The following CPLANE1 variants were observed in gnomAD, a reference collection of about 807,000 sequenced individuals.
The protein encoded by CPLANE1 is ciliogenesis and planar polarity effector 1.
A neutral mutation model predicts 362.5 loss-of-function variants in CPLANE1; 263 were observed. The ratio of observed to expected loss-of-function variants is 0.73; its 90% CI spans 0.66 to 0.80. CPLANE1 has a LOEUF of 0.80. Ranked by LOEUF, CPLANE1 falls within the 30% of genes least tolerant of loss-of-function variation. CPLANE1 has a pLI of 0.00. For missense variants in CPLANE1, 3,461 were observed against 3,793.4 expected, an observed-to-expected ratio of 0.91 and a Z score of 2.30; for synonymous variants, 1,212 against 1,302.6, an observed-to-expected ratio of 0.93 and a Z score of 1.50.
At chr5:37,195,177 T>G (rs1263340248) in intron 21 of CPLANE1, among the ~76,000 whole-genome samples, 1 of 148,586 alleles carries the variant, frequency 6.7e-6, no homozygotes, top group Non-Finnish European at 1.5e-5. Flanking sequence ...AAAGATAAGA[T>G]CAGGGCTTAA....
chr5:37,213,144 G>T (rs182194638), intron 16 of CPLANE1, among the ~76,000 whole-genome samples: 1 of 152,170 alleles, frequency 6.6e-6, no homozygotes, highest in Non-Finnish European at 1.5e-5. Context: ...GGAGGTGGAG[G>T]TTGCAGTTAG....
chr5:37,198,187 C>T (rs1415666549), intron 20 of CPLANE1, among the ~76,000 whole-genome samples: 2 of 152,206 alleles, frequency 1.3e-5, no homozygotes, highest in East Asian at 3.9e-4. Flanking sequence ...AAGAATGAAG[C>T]GACAGCTCAG....
intron 16 of CPLANE1, among the ~76,000 whole-genome samples, chr5:37,206,651 T>C (rs1790835701): frequency 6.6e-6 from 1 of 151,456 alleles, no homozygotes; most frequent in Non-Finnish European, 1.5e-5. Flanking sequence ...ATTTTAAAAA[T>C]GAAACAAAAG....
intron 21 of CPLANE1, among the ~76,000 whole-genome samples, chr5:37,192,483 C>T (rs538636675): frequency 3.3e-5 from 5 of 152,182 alleles, no homozygotes; most frequent in South Asian, 4.2e-4. Context: ...AGGACGTAGC[C>T]CCATCATTAA....
chr5:37,234,486 T>A, intron 8 of CPLANE1, among the ~76,000 whole-genome samples: 1 of 137,484 alleles, frequency 7.3e-6, no homozygotes. Flanking sequence ...AGAAAGAATC[T>A]CAGTCAGACA....
At chr5:37,177,891 ACT>A (rs1781625142) in intron 29 of CPLANE1, among the ~76,000 whole-genome samples, 191 bp from the exon 30 acceptor site, 1 of 152,128 alleles carries the variant, frequency 6.6e-6, no homozygotes, top group African/African-American at 2.4e-5. Flanking sequence ...AATTGCCTCC[ACT>A]CTGTCACACT....
In CPLANE1 at chr5:37,107,262, G is replaced by C. The variant is rs1757807125; in HGVS notation, c.*340C>G. ...GTATATGGTTGTTTCTCAAAACTCA[G>C]AGGGTAATAAAGGAGGAGGCAAGAT... On this transcript the variant is annotated 3_prime_UTR_variant, in exon 53 of 53. Coordinates refer to ENST00000651892, the MANE Select transcript of CPLANE1 (RefSeq NM_001384732.1). The C allele has an allele frequency of 9.7e-7, 1 of 1,030,406 alleles. No individual in the cohort carries two copies. Among genetic ancestry groups the C allele is most frequent in the Admixed American group, 5.6e-5 (1 of 17,834 alleles). The allele number at this position is 1,030,406 out of a possible 1,614,324, so 63.8% of individuals were successfully genotyped here. A position where few individuals can be genotyped will look rare whatever the true frequency, so the allele number is the denominator to read the frequency against.
chr5:37,230,043 G>C (rs1268657176), intron 9 of CPLANE1, among the ~76,000 whole-genome samples: 2 of 151,932 alleles, frequency 1.3e-5, no homozygotes, highest in African/African-American at 4.8e-5. Context: ...AGGCATGGTG[G>C]CACATGCCTA....
intron 46 of CPLANE1, among the ~76,000 whole-genome samples, chr5:37,127,515 ATTTTTTTT>A (rs556523898): frequency 7.5e-6 from 1 of 134,000 alleles, no homozygotes; most frequent in Non-Finnish European, 1.6e-5. Context: ...TTTTTATTTA[ATTTTTTTT>A]TTTTTTTTTT....
At chr5:37,109,731 G>A (rs1042607134) in intron 51 of CPLANE1, among the ~76,000 whole-genome samples, 2 of 152,060 alleles carry the variant, frequency 1.3e-5, no homozygotes, top group Non-Finnish European at 2.9e-5. Context: ...ATTTCGGTTC[G>A]CTGCAACCTC....
At chr5:37,212,286 G>A in intron 16 of CPLANE1, 1 of 1,159,364 alleles carries the variant, frequency 8.6e-7, no homozygotes, top group Non-Finnish European at 1.3e-6. Flanking sequence ...AAAAAAGATG[G>A]TCCAGGAAGG....
Position 37,167,205 on chromosome 5 carries a change from T to A in CPLANE1, c.7242A>T (p.Lys2414Asn). 4.4e-6 allele frequency: 7 copies of A among 1,607,774 alleles called. No homozygotes were observed. The highest frequency in any genetic ancestry group is 5.9e-6 in the Non-Finnish European group (7 of 1,178,604). The change falls in exon 35 of 53, where the codon AAA (lysine) becomes AAT (asparagine). Residue 2414 changes from lysine to asparagine, a missense_variant. Physicochemically the swap from Lys to Asn is moderately conservative, Grantham distance 94. Around this residue, in one of 2 missense-constraint regions of CPLANE1, gnomAD observed 3,380 missense variants for 3,666.1 expected, o/e 0.92. Transcript: ENST00000651892. ...GGTTTTCAAGTGGGATAAGTTGTGT[T>A]TTTTTGCACTACAAGAAAGAAACAA... The part of the protein sequence containing the change: ...SHLSPENRCK[K>N]TQLIPLENLI...
At chr5:37,190,040 G>A (rs1205843430) in intron 21 of CPLANE1, among the ~76,000 whole-genome samples, 2 of 151,934 alleles carry the variant, frequency 1.3e-5, no homozygotes, top group East Asian at 3.9e-4. Flanking sequence ...ATTGCACACA[G>A]TAAGAGTAAA....
At chr5:37,220,001 C>T (rs1795007834) in intron 15 of CPLANE1, among the ~76,000 whole-genome samples, 1 of 151,914 alleles carries the variant, frequency 6.6e-6, no homozygotes, top group Non-Finnish European at 1.5e-5. Flanking sequence ...ACCTATAATC[C>T]CAACACTTTG....
downstream of CPLANE1, chr5:37,106,166 A>T (rs1344861515): frequency 3.3e-5 from 5 of 152,278 alleles, no homozygotes; most frequent in East Asian, 9.6e-4. Flanking sequence ...AAATAGAACT[A>T]CCATATGATC....
At chr5:37,096,182 A>G in the CPLANE1 span, among the ~76,000 whole-genome samples, 3 of 152,226 alleles carry the variant, frequency 2.0e-5, no homozygotes, top group Non-Finnish European at 4.4e-5. Context: ...AAACTATACT[A>G]TAAGGCCATA....
rs375441199 is a variant in CPLANE1, at chr5:37,107,616, C to T, written c.9742G>A (p.Ala3248Thr). ...ATATCCAGGTCTTACAGGTCCAGGG[C>T]CCAGTGGACAGACAGGCCCTGGTCC... Reference protein sequence around the residue: ...VEDQGLSVHWALDL With the variant: ...VEDQGLSVHWTLDL The change falls in exon 53 of 53, where the codon GCC becomes ACC. Residue 3248 changes from alanine (A) to threonine (T), a missense_variant. Around this residue, in one of 2 missense-constraint regions of CPLANE1, gnomAD observed 81 missense variants for 127.3 expected, o/e 0.64. Transcript: ENST00000651892. 2.5e-6 allele frequency: 4 copies of T among 1,610,090 alleles called. No individual in the cohort carries two copies. Among genetic ancestry groups the T allele is most frequent in the Non-Finnish European group, 3.4e-6 (4 of 1,178,806 alleles).
At chr5:37,191,515 A>G (rs1222270192) in intron 21 of CPLANE1, among the ~76,000 whole-genome samples, 4 of 152,200 alleles carry the variant, frequency 2.6e-5, no homozygotes, top group Non-Finnish European at 5.9e-5. Flanking sequence ...TACTAAAAAT[A>G]CAAAAATTAA....
chr5:37,116,845 G>A (rs1761165824), intron 50 of CPLANE1, among the ~76,000 whole-genome samples: 2 of 152,170 alleles, frequency 1.3e-5, no homozygotes, highest in Admixed American at 1.3e-4. Context: ...CAGGTTATCT[G>A]TATCACTGAC....
Sources: allele counts gnomAD v4.1 joint callset (sites outside exome capture counted in the v4.1 genomes callset), GRCh38; gene constraint gnomAD v4.1.1; regional missense constraint gnomAD v4.1.1; transcripts MANE v1.5; gene names NCBI Gene and HGNC (gene_info 2026-07-23, HGNC 2026-07-21).